NRXN3: variants seen among roughly 807,000 people sequenced by gnomAD.
NRXN3 encodes the protein neurexin III.
Under a neutral mutation model 137.6 loss-of-function variants are expected in NRXN3, and 32 were observed. The ratio of observed to expected loss-of-function variants is 0.23; its 90% CI spans 0.18 to 0.31. The LOEUF is 0.31. Ranked by LOEUF, NRXN3 falls within the 10% of genes least tolerant of loss-of-function variation. The probability of loss-of-function intolerance (pLI) is 1.00; values close to 1 mark genes in which losing one functional copy is unlikely to be tolerated. For synonymous variants in NRXN3, 798 were observed against 784.5 expected (o/e 1.02, Z -0.29); for missense variants, 1,574 against 2,062.5 (o/e 0.76, Z 4.59).
intron 15 of NRXN3, among the ~76,000 whole-genome samples, chr14:79,127,654 T>C (rs1355895426): frequency 6.6e-6 from 1 of 152,136 alleles, no homozygotes; most frequent in Admixed American, 6.5e-5. Flanking sequence ...GACTTGGCGA[T>C]GCAGGCTCTT....
intron 10 of NRXN3, among the ~76,000 whole-genome samples, chr14:78,914,052 C>G (rs1444373582): frequency 6.6e-6 from 1 of 152,160 alleles, no homozygotes; most frequent in African/African-American, 2.4e-5. Context: ...GAAACTTGGA[C>G]ATCTTTGGAT....
intron 15 of NRXN3, among the ~76,000 whole-genome samples, chr14:79,365,897 G>T (rs1245621571): frequency 7.2e-5 from 11 of 151,970 alleles, no homozygotes; most frequent in Non-Finnish European, 1.6e-4. Context: ...TTCTGTGAAA[G>T]AGGTTAAGAT....
intron 4 of NRXN3, among the ~76,000 whole-genome samples, chr14:78,472,020 A>G (rs766906874): frequency 1.3e-5 from 2 of 152,216 alleles, no homozygotes; most frequent in African/African-American, 4.8e-5. Context: ...GCTGTAAAAG[A>G]TGGAACCTAA....
intron 4 of NRXN3, among the ~76,000 whole-genome samples, chr14:78,518,454 TG>T (rs2096242705): frequency 6.6e-6 from 1 of 152,140 alleles, no homozygotes; most frequent in Admixed American, 6.5e-5. Flanking sequence ...ATTTGACTTT[TG>T]CTCCATATGT....
intron 8 of NRXN3, among the ~76,000 whole-genome samples, chr14:78,789,894 A>G (rs2098800203): frequency 6.6e-6 from 1 of 152,014 alleles, no homozygotes. Context: ...CATTTTCTTT[A>G]TTATTCAAGT....
intron 15 of NRXN3, among the ~76,000 whole-genome samples, chr14:79,354,276 T>C (rs2093340158): frequency 6.6e-6 from 1 of 152,264 alleles, no homozygotes; most frequent in Non-Finnish European, 1.5e-5. Flanking sequence ...TAAAATACAC[T>C]AGTAAACACT....
At position 78,672,363 on chromosome 14, in the gene NRXN3, T is replaced by C. The variant is rs77129490; in HGVS notation, c.1221+21037T>C. 8.5e-3 allele frequency among the ~76,000 whole-genome samples: 1,295 copies of C among 152,296 alleles called. 11 individuals carry two copies. The highest frequency in any genetic ancestry group is 0.011 in the African/African-American group (447 of 41,544). On this transcript the variant is annotated intron_variant, in intron 6 of 20. Transcript: ENST00000335750. ...GCTATTTGAGGACCAACTGTATTTA[T>C]TTATCTTTGTATCTCCAGGGCCAGG... is the stretch of plus-strand genomic sequence containing the variant.
intron 4 of NRXN3, among the ~76,000 whole-genome samples, chr14:78,369,018 C>A (rs2153614469): frequency 6.6e-6 from 1 of 152,278 alleles, no homozygotes; most frequent in African/African-American, 2.4e-5. Context: ...ACTCACTGAA[C>A]TAGGAATCAG....
chr14:78,873,126 C>T (rs1472495432), intron 10 of NRXN3, among the ~76,000 whole-genome samples: 1 of 152,200 alleles, frequency 6.6e-6, no homozygotes, highest in East Asian at 1.9e-4. Context: ...TAGGGTTCTA[C>T]AGCAAAATAT....
Position 79,508,582 on chromosome 14 carries a change from G to A in NRXN3, c.3444+41180G>A, listed in dbSNP as rs182628721. ...TTTTTTTGTATTTTTAGTAGAGATG[G>A]GGTTTCACCATGTTGGCCAGGCTGG... On this transcript the variant is annotated intron_variant, in intron 16 of 20. Transcript: ENST00000335750. 2.7e-3 allele frequency among the ~76,000 whole-genome samples: 402 copies of A among 151,198 alleles called. 4 individuals carry two copies. The highest frequency in any genetic ancestry group is 9.0e-3 in the African/African-American group (369 of 41,228).
intron 1 of NRXN3, among the ~76,000 whole-genome samples, chr14:78,210,073 C>T (rs959600011): frequency 6.6e-6 from 1 of 152,206 alleles, no homozygotes; most frequent in African/African-American, 2.4e-5. Flanking sequence ...ATGAATGAAT[C>T]CCACCACACA....
chr14:78,919,164 G>T (rs2099264439), intron 10 of NRXN3, among the ~76,000 whole-genome samples: 2 of 152,022 alleles, frequency 1.3e-5, no homozygotes, highest in South Asian at 4.2e-4. Context: ...TAAAACTTTT[G>T]ACCTATTTGG....
At chr14:79,421,248 G>A (rs1192709529) in intron 15 of NRXN3, among the ~76,000 whole-genome samples, 2 of 152,040 alleles carry the variant, frequency 1.3e-5, no homozygotes, top group South Asian at 2.1e-4. Flanking sequence ...GGGTCTCGCC[G>A]CACTAAGATA....
chr14:78,602,267 CT>C (rs370669288), intron 4 of NRXN3, among the ~76,000 whole-genome samples: 17,694 of 115,298 alleles, frequency 0.15, 1,567 homozygotes, highest in African/African-American at 0.3. Flanking sequence ...TCACATTAGC[CT>C]TTTTTTTTTT....
At chr14:79,788,513 T>G (rs1361337228) in intron 19 of NRXN3, among the ~76,000 whole-genome samples, 1 of 152,172 alleles carries the variant, frequency 6.6e-6, no homozygotes, top group Non-Finnish European at 1.5e-5. Flanking sequence ...CTCGCTGATA[T>G]CCATTTCAAA....
intron 16 of NRXN3, among the ~76,000 whole-genome samples, chr14:79,560,504 C>CTTTTTTT (rs34025659): frequency 0.017 from 755 of 43,770 alleles, 149 homozygotes; most frequent in African/African-American, 0.048. Context: ...AGATTGTAAG[C>CTTTTTTT]TTTTTTTTTT....
At chr14:78,811,569 T>C (rs978343101) in intron 10 of NRXN3, among the ~76,000 whole-genome samples, 1 of 152,212 alleles carries the variant, frequency 6.6e-6, no homozygotes, top group Non-Finnish European at 1.5e-5. Context: ...CATGTAATTC[T>C]CCATAGTATC....
At chr14:79,153,346 TA>T (rs1363053281) in intron 15 of NRXN3, among the ~76,000 whole-genome samples, 1 of 152,062 alleles carries the variant, frequency 6.6e-6, no homozygotes, top group East Asian at 1.9e-4. Flanking sequence ...AATATGATTA[TA>T]TATGCATATG....
chr14:79,203,257 C>T (rs1372957397), intron 15 of NRXN3, among the ~76,000 whole-genome samples: 2 of 152,190 alleles, frequency 1.3e-5, no homozygotes, highest in South Asian at 2.1e-4. Flanking sequence ...TAAATTGCTA[C>T]ATATGACATT....
Sources: allele counts gnomAD v4.1 joint callset (sites outside exome capture counted in the v4.1 genomes callset), GRCh38; gene constraint gnomAD v4.1.1; transcripts MANE v1.5; gene names NCBI Gene and HGNC (gene_info 2026-07-23, HGNC 2026-07-21).